The following PLEKHA4 variants were observed in gnomAD, a reference collection of about 807,000 sequenced individuals.
PLEKHA4 encodes pleckstrin homology domain containing A4, also known as pleckstrin homology domain-containing family A member 4.
In PLEKHA4, 73 loss-of-function variants were observed where a neutral mutation model predicts 94.7. That is an observed-to-expected ratio of 0.77 (90% CI 0.64 to 0.94). The LOEUF (loss-of-function observed/expected upper bound fraction) is 0.94. Ranked by LOEUF, PLEKHA4 falls within the 40% of genes least tolerant of loss-of-function variation. The pLI is 0.00. For missense variants in PLEKHA4, 1,049 were observed against 1,054.1 expected (o/e 1.00, Z 0.07); for synonymous variants, 449 against 437.1 (o/e 1.03, Z -0.34).
Position 48,841,300 on chromosome 19 carries a change from G to A in PLEKHA4, c.1754C>T (p.Ala585Val), listed in dbSNP as rs770764782. 3 of 1,609,488 alleles carry A rather than the reference G, an allele frequency of 1.9e-6. No homozygotes were observed. Among genetic ancestry groups the A allele is most frequent in the Non-Finnish European group, 2.5e-6 (3 of 1,178,004 alleles). The change falls in exon 17 of 20, where the codon GCC becomes GTC. Residue 585 changes from alanine to valine, a missense_variant. Ala to Val is a moderately conservative substitution (Grantham distance 64). Transcript: ENST00000263265. ...CTCCTGGGCACTCATCCGGGGCCGG[G>A]CCACCGGGGCCTAGGGAGGCGAGAA... ...SPQLGTKAPV[A>V]RPRMSAQEQL...
Position 48,860,402 on chromosome 19 carries a change from G to A in PLEKHA4, c.424C>T (p.Arg142Trp), listed in dbSNP as rs1374067037. 6.2e-7 allele frequency: 1 copy of A among 1,614,068 alleles called. No individual in the cohort carries two copies. Among genetic ancestry groups the A allele is most frequent in the African/African-American group, 1.3e-5 (1 of 75,024 alleles). Residue 142 changes from arginine to tryptophan, a missense_variant, in exon 6 of 20, where the codon CGG becomes TGG. Coordinates refer to ENST00000263265, the MANE Select transcript of PLEKHA4 (RefSeq NM_020904.3). ...VLAADTLEDL[R>W]GWLRALGRAS... The stretch of plus-strand genomic sequence containing the variant: ...CGGCCCAGCGCCCGTAGCCAGCCCC[G>A]CAGGTCTTCTAAGGTGTCAGCGGCC...
At chr19:48,861,565 G>A (rs1486992595) in intron 4 of PLEKHA4, 55 bp downstream of exon 4, 1 of 1,612,134 alleles carries the variant, frequency 6.2e-7, no homozygotes, top group Admixed American at 1.7e-5. Flanking sequence ...CTAGAGAGAA[G>A]GGCAGACTGG....
chr19:48,852,418 G>T, intron 12 of PLEKHA4, 92 bp from the exon 13 acceptor site: 1 of 1,011,758 alleles, frequency 9.9e-7, no homozygotes, highest in East Asian at 2.5e-5. Context: ...GAGGAGATAA[G>T]GGAGTTTGGT....
chr19:48,859,811 C>T, intron 6 of PLEKHA4, 127 bp from the exon 7 acceptor site: 1 of 859,694 alleles, frequency 1.2e-6, no homozygotes, highest in Non-Finnish European at 1.8e-6. Context: ...TCATCGTCCC[C>T]CTTCTTCAGA....
At chr19:48,859,389 G>T in intron 7 of PLEKHA4, 80 bp downstream of exon 7, 1 of 1,465,826 alleles carries the variant, frequency 6.8e-7, no homozygotes, top group Admixed American at 2.0e-5. Context: ...CAAGCAGAAA[G>T]CGCTAAGGCC....
At chr19:48,863,870 C>G (rs919427599) in intron 3 of PLEKHA4, among the ~76,000 whole-genome samples, 1 of 152,176 alleles carries the variant, frequency 6.6e-6, no homozygotes, top group Non-Finnish European at 1.5e-5. Flanking sequence ...TCGTGCCCAG[C>G]CCATGTACTG....
At chr19:48,860,029 G>C (rs951366037) in intron 6 of PLEKHA4, 9 of 559,498 alleles carry the variant, frequency 1.6e-5, no homozygotes, top group Admixed American at 6.8e-5. Context: ...ACCTGGCATT[G>C]TTTAGGTGGC....
At chr19:48,855,999 C>A (rs1190331695) in intron 9 of PLEKHA4, among the ~76,000 whole-genome samples, 1 of 150,898 alleles carries the variant, frequency 6.6e-6, no homozygotes, top group Non-Finnish European at 1.5e-5. Flanking sequence ...ATGGAGAAAC[C>A]CTGTCTTTAC....
intron 3 of PLEKHA4, among the ~76,000 whole-genome samples, chr19:48,864,977 C>A (rs898080353): frequency 2.0e-4 from 30 of 152,216 alleles, no homozygotes; most frequent in African/African-American, 7.2e-4. Context: ...AATATAAATA[C>A]TTTTGTGTTA....
chr19:48,854,379 T>C, intron 9 of PLEKHA4, 115 bp from the exon 10 acceptor site: 2 of 927,298 alleles, frequency 2.2e-6, no homozygotes, highest in South Asian at 1.5e-5. Flanking sequence ...TATTTATTTA[T>C]TTATTTAGAG....
Position 48,859,107 on chromosome 19 carries a change from G to A in PLEKHA4, c.725C>T (p.Pro242Leu), listed in dbSNP as rs557188817. Residue 242 changes from proline (P) to leucine (L), a missense_variant, in exon 8 of 20, where the codon CCT (proline) becomes CTT (leucine). Pro to Leu is a moderately conservative substitution (Grantham distance 98). Transcript: ENST00000263265. ...AGAACGGGGACGGGGGAGGCTCAGA[G>A]GCGAGGGAGGGCGAGAGAGGGGGGT... Reference protein sequence around the residue: ...LFTPLSRPPSPLSLPRPRSAP... With the variant: ...LFTPLSRPPSLLSLPRPRSAP... 3.3e-6 allele frequency: 5 copies of A among 1,511,076 alleles called. No individual in the cohort carries two copies. The East Asian group carries it at 1.2e-4, about 37-fold the overall frequency. 93.6% of individuals were successfully genotyped at this position (1,511,076 alleles called of 1,614,324 possible).
Position 48,837,167 on chromosome 19 carries a change from C to T in PLEKHA4, c.*122G>A, listed in dbSNP as rs1423106847. 7.0e-7 allele frequency: 1 copy of T among 1,422,804 alleles called. No individual in the cohort carries two copies. Among genetic ancestry groups the T allele is most frequent in the Non-Finnish European group, 9.8e-7 (1 of 1,023,040 alleles). The allele number at this position is 1,422,804 out of a possible 1,614,324, so 88.1% of individuals were successfully genotyped here. A position where few individuals can be genotyped will look rare whatever the true frequency, so the allele number is the denominator to read the frequency against. ...CCAAACTTTGGCCATAGAAACCATT[C>T]CCCTCCCGGGCCCGCAATGGGGACC... On this transcript the variant is annotated 3_prime_UTR_variant, in exon 20 of 20. Coordinates refer to ENST00000263265, the MANE Select transcript of PLEKHA4 (RefSeq NM_020904.3). This position sits in a 1 kb window ranked among gnomAD's most constrained non-coding sequence, Gnocchi z 4.3.
chr19:48,860,059 G>T, intron 6 of PLEKHA4: 1 of 564,136 alleles, frequency 1.8e-6, no homozygotes, highest in South Asian at 2.3e-5. Context: ...GACTTCAGAA[G>T]GAGCCAATCA....
intron 16 of PLEKHA4, among the ~76,000 whole-genome samples, chr19:48,844,025 G>T (rs2122928725): frequency 6.6e-6 from 1 of 151,726 alleles, no homozygotes; most frequent in East Asian, 1.9e-4. Context: ...GCTCTTGAAC[G>T]CCTGGACTCA....
At chr19:48,840,011 G>C (rs1411578113) in intron 17 of PLEKHA4, among the ~76,000 whole-genome samples, 2 of 151,936 alleles carry the variant, frequency 1.3e-5, no homozygotes, top group Non-Finnish European at 2.9e-5. Flanking sequence ...GGGAGGCTAA[G>C]GCAGGAGAAT....
At chr19:48,849,633 G>T (rs2036105161) in intron 13 of PLEKHA4, among the ~76,000 whole-genome samples, 1 of 152,166 alleles carries the variant, frequency 6.6e-6, no homozygotes, top group African/African-American at 2.4e-5. Flanking sequence ...AAAGATACAT[G>T]ATTTAGAACT....
intron 9 of PLEKHA4, among the ~76,000 whole-genome samples, chr19:48,856,659 A>C (rs1343332798): frequency 6.6e-6 from 1 of 152,008 alleles, no homozygotes; most frequent in Admixed American, 6.6e-5. Context: ...CGAAGGTTGC[A>C]GTGAACCGAG....
intron 13 of PLEKHA4, among the ~76,000 whole-genome samples, chr19:48,850,765 C>T (rs1343840172): frequency 6.6e-6 from 1 of 151,844 alleles, no homozygotes; most frequent in Non-Finnish European, 1.5e-5. Flanking sequence ...TGCGGTGAAC[C>T]GAGATTGCAC....
intron 9 of PLEKHA4, 41 bp downstream of exon 9, chr19:48,857,381 G>C (rs1180588168): frequency 1.3e-6 from 1 of 791,780 alleles, no homozygotes; most frequent in African/African-American, 1.8e-5. Context: ...GAAAGGAAGG[G>C]AGGGGGCTCC....
Sources: gnomAD v4.1 joint callset for allele counts (sites outside exome capture counted in the v4.1 genomes callset) on GRCh38, gnomAD v4.1.1 for gene constraint, Gnocchi (gnomAD v3.1) non-coding constraint, MANE v1.5 for transcripts, NCBI Gene and HGNC (gene_info 2026-07-23, HGNC 2026-07-21) for gene names.